IKZF2: variants seen among roughly 807,000 people sequenced by gnomAD.
The protein encoded by IKZF2 is IKAROS family zinc finger 2.
A neutral mutation model predicts 49.2 loss-of-function variants in IKZF2; 15 were observed. The ratio of observed to expected loss-of-function variants is 0.30; its 90% CI spans 0.20 to 0.47. The LOEUF (loss-of-function observed/expected upper bound fraction) is 0.47, where lower values mean the gene tolerates loss of function less well. Among genes scored for constraint, IKZF2 ranks in the 20% least tolerant of loss-of-function variants. The pLI, the probability that IKZF2 is intolerant of heterozygous loss-of-function variation, is 1.00. For synonymous variants in IKZF2, 227 were observed against 221.4 expected (o/e 1.03, Z -0.23); for missense variants, 567 against 664.6 (o/e 0.85, Z 1.61).
chr2:213,037,696 A>G (rs1055463704), intron 6 of IKZF2, among the ~76,000 whole-genome samples: 4 of 152,186 alleles, frequency 2.6e-5, no homozygotes, highest in Non-Finnish European at 5.9e-5. Context: ...TCAGAATTTG[A>G]TGGATGAAAT....
At chr2:213,103,782 C>T (rs2059427378) in intron 4 of IKZF2, among the ~76,000 whole-genome samples, 1 of 107,964 alleles carries the variant, frequency 9.3e-6, no homozygotes, top group Non-Finnish European at 1.9e-5. Context: ...ATTTTTATAA[C>T]TTAGAACAAC....
rs1192567127 is a variant in IKZF2, at chr2:213,005,346, T to C, written c.*2014A>G. ...TCCCTTAGATTTAAAGGGGGCAGTT[T>C]GGACATTTTCCCAAAAATAATTATG... On this transcript the variant is annotated 3_prime_UTR_variant, in exon 9 of 9. Coordinates refer to ENST00000434687, the MANE Select transcript of IKZF2 (RefSeq NM_001387220.1). 1 of 151,856 alleles carries C rather than the reference T, an allele frequency of 6.6e-6. No homozygotes were observed. The highest frequency in any genetic ancestry group is 6.6e-5 in the Admixed American group (1 of 15,188). The allele number at this position is 151,856 out of a possible 1,614,324, so 9.4% of individuals were successfully genotyped here.
At chr2:213,019,404 T>A (rs185198252) in intron 7 of IKZF2, among the ~76,000 whole-genome samples, 167 of 152,286 alleles carry the variant, frequency 1.1e-3, no homozygotes, top group Non-Finnish European at 1.5e-3. Context: ...AAGCTATTTA[T>A]ATGAGACGTA....
chr2:213,110,147 A>C (rs972498373), intron 4 of IKZF2, among the ~76,000 whole-genome samples: 7 of 151,984 alleles, frequency 4.6e-5, no homozygotes, highest in African/African-American at 9.7e-5. Flanking sequence ...TTTCTCAAAA[A>C]AACTAATATT....
At chr2:213,086,155 A>G (rs1704564649) in intron 4 of IKZF2, among the ~76,000 whole-genome samples, 1 of 152,200 alleles carries the variant, frequency 6.6e-6, no homozygotes, top group Non-Finnish European at 1.5e-5. Flanking sequence ...ATTTTCACCT[A>G]AAACACTGTA....
chr2:213,081,978 A>T (rs942270082), intron 4 of IKZF2, among the ~76,000 whole-genome samples: 2 of 152,182 alleles, frequency 1.3e-5, no homozygotes, highest in Non-Finnish European at 2.9e-5. Context: ...TTAAATAAGA[A>T]CTAAACTAGT....
At chr2:213,146,761 G>GA (rs966351708) in intron 4 of IKZF2, among the ~76,000 whole-genome samples, 13 of 135,344 alleles carry the variant, frequency 9.6e-5, no homozygotes, top group African/African-American at 3.2e-4. Context: ...TAAATCTTCG[G>GA]GGGGGGGGAA....
At chr2:213,127,498 C>T (rs1325813114) in intron 4 of IKZF2, among the ~76,000 whole-genome samples, 1 of 152,138 alleles carries the variant, frequency 6.6e-6, no homozygotes, top group African/African-American at 2.4e-5. Context: ...TCAGTTTCAC[C>T]TAGCAGTCCT....
chr2:213,082,675 C>T (rs751940628), intron 4 of IKZF2, among the ~76,000 whole-genome samples: 3 of 152,168 alleles, frequency 2.0e-5, no homozygotes, highest in Non-Finnish European at 2.9e-5. Flanking sequence ...ATCATCGGAA[C>T]TTGCCTATTA....
At chr2:213,117,640 T>G (rs1213977516) in intron 4 of IKZF2, among the ~76,000 whole-genome samples, 2 of 152,232 alleles carry the variant, frequency 1.3e-5, no homozygotes, top group African/African-American at 4.8e-5. Flanking sequence ...CATCCATCAC[T>G]GCAGTCACTG....
At chr2:213,118,670 T>C (rs1171608403) in intron 4 of IKZF2, among the ~76,000 whole-genome samples, 1 of 152,188 alleles carries the variant, frequency 6.6e-6, no homozygotes, top group Non-Finnish European at 1.5e-5. Flanking sequence ...CAGATTCTAA[T>C]ATTCTCTAAC....
chr2:213,139,138 G>A (rs2060780699), intron 4 of IKZF2, among the ~76,000 whole-genome samples: 1 of 151,856 alleles, frequency 6.6e-6, no homozygotes, highest in Admixed American at 6.6e-5. Context: ...TAAAGAAAAT[G>A]AATGGATCTC....
chr2:213,045,514 G>A (rs62187831), intron 6 of IKZF2, among the ~76,000 whole-genome samples: 3,693 of 152,210 alleles, frequency 0.024, 79 homozygotes, highest in Non-Finnish European at 0.036. Flanking sequence ...GAGAAATCTT[G>A]TTCATCTTGA....
intron 4 of IKZF2, among the ~76,000 whole-genome samples, chr2:213,127,179 T>C (rs1256407381): frequency 6.6e-6 from 1 of 152,204 alleles, no homozygotes; most frequent in East Asian, 1.9e-4. Flanking sequence ...TTATTATTCA[T>C]TAGCTATGAA....
chr2:213,140,040 C>G (rs1408857529), intron 4 of IKZF2, among the ~76,000 whole-genome samples: 1 of 151,910 alleles, frequency 6.6e-6, no homozygotes, highest in East Asian at 1.9e-4. Context: ...GCCCCAGCAC[C>G]AGCAATGCAT....
intron 4 of IKZF2, among the ~76,000 whole-genome samples, chr2:213,071,595 C>T (rs1161710708): frequency 6.6e-6 from 1 of 151,946 alleles, no homozygotes; most frequent in East Asian, 1.9e-4. Flanking sequence ...TAGGTGGAGA[C>T]AAGAAGAGAT....
At chr2:213,100,405 CTA>C (rs995339285) in intron 4 of IKZF2, among the ~76,000 whole-genome samples, 7 of 151,892 alleles carry the variant, frequency 4.6e-5, no homozygotes, top group African/African-American at 1.7e-4. Context: ...ATAAAACAAA[CTA>C]AAATTTAAAA....
intron 4 of IKZF2, among the ~76,000 whole-genome samples, chr2:213,128,305 C>T (rs2060335522): frequency 6.6e-6 from 1 of 152,066 alleles, no homozygotes; most frequent in Non-Finnish European, 1.5e-5. Context: ...GTGCTCTATG[C>T]AATTGTTACA....
intron 6 of IKZF2, among the ~76,000 whole-genome samples, chr2:213,026,008 G>A (rs1054820562): frequency 3.3e-5 from 5 of 151,906 alleles, no homozygotes; most frequent in East Asian, 1.9e-4. Context: ...TTCTCTTCCC[G>A]TGTGTAATTA....
Sources: allele counts gnomAD v4.1 joint callset (sites outside exome capture counted in the v4.1 genomes callset), GRCh38; gene constraint gnomAD v4.1.1; transcripts MANE v1.5; gene names NCBI Gene and HGNC (gene_info 2026-07-23, HGNC 2026-07-21).